PPP6R2: variants seen among roughly 807,000 people sequenced by gnomAD.
PPP6R2 encodes the protein protein phosphatase 6 regulatory subunit 2.
PPP6R2 carries 62 observed loss-of-function variants against 100.2 expected under a neutral mutation model. The ratio of observed to expected loss-of-function variants is 0.62; its 90% CI spans 0.50 to 0.76. PPP6R2 has a LOEUF of 0.76. PPP6R2 is among the 30% of genes least tolerant of loss of function. The pLI is 0.00. For missense variants in PPP6R2, 1,142 were observed against 1,276.3 expected, an observed-to-expected ratio of 0.89 and a Z score of 1.60; for synonymous variants, 525 against 514.7, an observed-to-expected ratio of 1.02 and a Z score of -0.27.
intron 1 of PPP6R2, among the ~76,000 whole-genome samples, chr22:50,361,794 T>C (rs1270346268): frequency 1.3e-5 from 2 of 152,104 alleles, no homozygotes; most frequent in Non-Finnish European, 2.9e-5. Context: ...CTGTCTGTCT[T>C]GTGGTGCGCG....
At chr22:50,384,906 A>G (rs891314723) in intron 2 of PPP6R2, among the ~76,000 whole-genome samples, 1 of 151,810 alleles carries the variant, frequency 6.6e-6, no homozygotes, top group African/African-American at 2.4e-5. Context: ...ATGCTCAGCT[A>G]ATCTTGTTTT....
chr22:50,443,741 G>A lies in PPP6R2; in HGVS notation c.2580-125G>A, dbSNP rs756692144. On this transcript the variant is annotated intron_variant, in intron 22 of 23. Coordinates refer to ENST00000612753, the MANE Select transcript of PPP6R2 (RefSeq NM_001242898.2). ...GGGCCACCCCACAAAGGGCAGGAGT[G>A]AGAGGGGCCAAAGATGGTGCTCCCA... 7.3e-5 allele frequency: 98 copies of A among 1,351,006 alleles called. 1 individual carries two copies. The highest frequency in any genetic ancestry group is 9.5e-5 in the Non-Finnish European group (96 of 1,006,062). The allele number at this position is 1,351,006 out of a possible 1,614,324, so 83.7% of individuals were successfully genotyped here.
intron 2 of PPP6R2, among the ~76,000 whole-genome samples, chr22:50,376,827 C>T (rs2148612270): frequency 6.6e-6 from 1 of 152,174 alleles, no homozygotes; most frequent in South Asian, 2.1e-4. Context: ...ATCACAAGGT[C>T]AGGAGATGGA....
intron 1 of PPP6R2, among the ~76,000 whole-genome samples, chr22:50,350,069 G>A (rs1251272658): frequency 1.3e-5 from 2 of 152,028 alleles, no homozygotes; most frequent in Non-Finnish European, 2.9e-5. Context: ...ACTGAGCCAA[G>A]ATTGTGCCAC....
At chr22:50,357,988 G>A (rs2046974831) in intron 1 of PPP6R2, among the ~76,000 whole-genome samples, 2 of 151,868 alleles carry the variant, frequency 1.3e-5, no homozygotes, top group South Asian at 4.1e-4. Flanking sequence ...GTCTCGCTTT[G>A]TTGCCTAGGC....
rs577523610 is a variant in PPP6R2 at position 50,354,535 on chromosome 22, A to G, written c.-148+10985A>G. ...GCACTGGGAGTGGAAAAGGAACACAAACATTTGTAGGTGGGCACGGCGCCT... is the reference window on the plus strand; with the variant it reads ...GCACTGGGAGTGGAAAAGGAACACAGACATTTGTAGGTGGGCACGGCGCCT... On this transcript the variant is annotated intron_variant, in intron 1 of 23. Transcript: ENST00000612753. Among the ~76,000 whole-genome samples, 5 of 151,744 alleles carry G rather than the reference A, an allele frequency of 3.3e-5. 1 individual carries two copies. Among genetic ancestry groups the G allele is most frequent in the Admixed American group, 3.3e-4 (5 of 15,236 alleles).
At chr22:50,359,212 C>T (rs1016491730) in intron 1 of PPP6R2, among the ~76,000 whole-genome samples, 7 of 132,222 alleles carry the variant, frequency 5.3e-5, no homozygotes, top group African/African-American at 1.7e-4. Context: ...GTTGGCCAGG[C>T]TGGTCTTTTT....
rs2063162697 is a variant in PPP6R2 at position 50,431,624 on chromosome 22, G to C, written c.1335+242G>C. Among the ~76,000 whole-genome samples, 2 of 152,194 alleles carry C rather than the reference G, an allele frequency of 1.3e-5. No individual in the cohort carries two copies. Among genetic ancestry groups the C allele is most frequent in the Non-Finnish European group, 2.9e-5 (2 of 68,038 alleles). ...TGCCTTCCACGTGCAGGCCTGGCAA[G>C]GGTTAGCACTGGATGAGATGAGTTC... On this transcript the variant is annotated intron_variant, in intron 11 of 23. Coordinates refer to ENST00000612753, the MANE Select transcript of PPP6R2 (RefSeq NM_001242898.2). This position sits in a 1 kb window ranked among gnomAD's most constrained non-coding sequence, Gnocchi z 4.8.
chr22:50,419,924 G>A (rs1019264559), intron 8 of PPP6R2, among the ~76,000 whole-genome samples: 1 of 152,222 alleles, frequency 6.6e-6, no homozygotes, highest in African/African-American at 2.4e-5. Flanking sequence ...GTGCACCCAC[G>A]GGTCGGCACC....
the PPP6R2 span, among the ~76,000 whole-genome samples, chr22:50,337,783 G>T: frequency 2.7e-5 from 4 of 145,664 alleles, no homozygotes; most frequent in African/African-American, 5.1e-5. Context: ...TGTGTGTGTG[G>T]GTGTGTGTGT....
At chr22:50,370,921 T>G (rs945369386) in intron 1 of PPP6R2, among the ~76,000 whole-genome samples, 1 of 150,358 alleles carries the variant, frequency 6.7e-6, no homozygotes, top group Non-Finnish European at 1.5e-5. Flanking sequence ...CGTGAGCCAC[T>G]GCCCCCAGCC....
chr22:50,421,104 CTCTG>C (rs939055546), intron 8 of PPP6R2, among the ~76,000 whole-genome samples: 20 of 152,174 alleles, frequency 1.3e-4, no homozygotes, highest in African/African-American at 4.3e-4. Flanking sequence ...CTCTCTCTCT[CTCTG>C]TCTGTCTCTG....
chr22:50,409,592 T>A (rs1000884224), intron 4 of PPP6R2, among the ~76,000 whole-genome samples: 7 of 152,160 alleles, frequency 4.6e-5, no homozygotes, highest in Admixed American at 2.0e-4. Flanking sequence ...CACGCCCAAC[T>A]AATTTTTGTA....
intron 12 of PPP6R2, among the ~76,000 whole-genome samples, chr22:50,432,719 G>T (rs1455927203): frequency 6.6e-6 from 1 of 152,232 alleles, no homozygotes; most frequent in Non-Finnish European, 1.5e-5. Flanking sequence ...TGCTTAATGG[G>T]TGCTCCCTCT....
chr22:50,339,802 ATGTGTGTGTGGTGTGTGGG>A (rs2042350238), upstream of PPP6R2, among the ~76,000 whole-genome samples: 1 of 19,662 alleles, frequency 5.1e-5, no homozygotes. Context: ...TGTGTGGGGT[ATGTGTGTGTGGTGTGTGGG>A]GTATGTAGTG....
In PPP6R2 at chr22:50,437,056, G is replaced by A; in HGVS notation, c.1671G>A (p.Leu557=). The A allele has an allele frequency of 2.6e-6, 4 of 1,560,812 alleles. 1 individual carries two copies. The highest frequency in any genetic ancestry group is 2.4e-5 in the South Asian group (2 of 84,812). ...TTGAGGGTGCTTTCCCTAACGAGCT[G>A]TCCCTTCAGCAGGTGAGGGCGTGGC... The part of the protein sequence containing the change: ...EDIEGAFPNE[L]SLQQAFSDYQ... The change falls in exon 15 of 24, where the codon CTG becomes CTA. Residue 557 remains leucine, a synonymous_variant. Transcript: ENST00000612753.
the PPP6R2 span, among the ~76,000 whole-genome samples, chr22:50,334,463 C>G: frequency 1.3e-5 from 2 of 152,078 alleles, no homozygotes; most frequent in Non-Finnish European, 2.9e-5. Context: ...ATGCTATAAG[C>G]TAATAATTAG....
At chr22:50,398,166 CTTT>C (rs1203401826) in intron 3 of PPP6R2, among the ~76,000 whole-genome samples, 13 of 131,192 alleles carry the variant, frequency 9.9e-5, no homozygotes, top group Admixed American at 2.3e-4. Context: ...GACTCCATCT[CTTT>C]TTTTTTTTTT....
rs1446493575 is a variant in PPP6R2 at position 50,441,015 on chromosome 22, G to A, written c.2568G>A (p.Glu856=). ...TGCCCACAGTGGCCAGGACAGAGGA[G>A]GCTGTCGGCAGGTGTGTGGGGCGTG... is the stretch of plus-strand genomic sequence containing the variant. ...PPLPTVARTE[E]AVGRVGCADS... Residue 856 remains glutamate (E), a synonymous_variant, in exon 22 of 24, where the codon GAG becomes GAA. Transcript: ENST00000612753. 6.3e-7 allele frequency: 1 copy of A among 1,591,308 alleles called. No homozygotes were observed. The highest frequency in any genetic ancestry group is 8.6e-7 in the Non-Finnish European group (1 of 1,165,712).
Sources: gnomAD v4.1 joint callset for allele counts (sites outside exome capture counted in the v4.1 genomes callset) on GRCh38, gnomAD v4.1.1 for gene constraint, Gnocchi (gnomAD v3.1) non-coding constraint, MANE v1.5 for transcripts, NCBI Gene and HGNC (gene_info 2026-07-23, HGNC 2026-07-21) for gene names.